Variants in PTPDC1 observed in about 807,000 individuals in gnomAD.
PTPDC1 encodes protein tyrosine phosphatase domain-containing protein 1.
PTPDC1 carries 53 observed loss-of-function variants against 75.3 expected under a neutral mutation model. That is an observed-to-expected ratio of 0.70 (90% confidence interval 0.56 to 0.88). The LOEUF is 0.88. Ranked by LOEUF, PTPDC1 falls within the 40% of genes least tolerant of loss-of-function variation. PTPDC1 has a pLI of 0.00. For missense variants in PTPDC1, 925 were observed against 998.6 expected (o/e 0.93, Z 0.99); for synonymous variants, 349 against 366.2 (o/e 0.95, Z 0.54).
chr9:94,092,596 A>G (rs1241100812), intron 4 of PTPDC1, among the ~76,000 whole-genome samples: 1 of 152,044 alleles, frequency 6.6e-6, no homozygotes, highest in South Asian at 2.1e-4. Flanking sequence ...GATGTCTATT[A>G]GGTCTGTTTG....
chr9:94,055,478 C>T (rs1021128387), intron 1 of PTPDC1, among the ~76,000 whole-genome samples: 9 of 152,170 alleles, frequency 5.9e-5, no homozygotes, highest in Non-Finnish European at 8.8e-5. Flanking sequence ...GATAAATAAA[C>T]TGTGATGTAT....
At chr9:94,031,296 T>G (rs1485660355) in intron 1 of PTPDC1, among the ~76,000 whole-genome samples, 1 of 152,148 alleles carries the variant, frequency 6.6e-6, no homozygotes, top group Admixed American at 6.5e-5. Context: ...CATTCAGATG[T>G]CTGCAGGGAC....
chr9:94,091,769 T>C (rs1227149339), intron 4 of PTPDC1, among the ~76,000 whole-genome samples: 1 of 152,192 alleles, frequency 6.6e-6, no homozygotes, highest in Non-Finnish European at 1.5e-5. Context: ...GCTCCTGTTA[T>C]TGGTCTATTC....
chr9:94,043,321 G>A (rs1825488717), intron 1 of PTPDC1, among the ~76,000 whole-genome samples: 1 of 152,104 alleles, frequency 6.6e-6, no homozygotes, highest in Non-Finnish European at 1.5e-5. Context: ...CCCCTATACT[G>A]AGCATCTTTT....
intron 2 of PTPDC1, among the ~76,000 whole-genome samples, chr9:94,068,925 T>C (rs1826415224): frequency 6.6e-6 from 1 of 152,220 alleles, no homozygotes; most frequent in African/African-American, 2.4e-5. Context: ...ATTTGGATGC[T>C]TCAGTTTCCC....
In PTPDC1 at chr9:94,093,246, T is replaced by C. The variant is rs376699608; in HGVS notation, c.617-2071T>C. Among the ~76,000 whole-genome samples the C allele has an allele frequency of 7.8e-3, 1,179 of 151,022 alleles. 12 individuals carry two copies. The highest frequency in any genetic ancestry group is 0.027 in the African/African-American group (1,123 of 40,972). On this transcript the variant is annotated intron_variant, in intron 4 of 8. Transcript: ENST00000620992. ...ACCGGTTGTTCCTTTCCATGTTTAG[T>C]GCTTCCTTCAGGAGCTCTTTTAGGG...
Position 94,095,441 on chromosome 9 carries a change from G to T in PTPDC1, c.741G>T (p.Gly247=). 1 of 1,613,032 alleles carries T rather than the reference G, an allele frequency of 6.2e-7. No individual in the cohort carries two copies. The highest frequency in any genetic ancestry group is 8.5e-7 in the Non-Finnish European group (1 of 1,179,468). ...EGKVAIHCHA[G]LGRTGVLIAC... ...AAGTAGCTATCCATTGTCATGCAGG[G>T]CTTGGTCGAACAGGTAGGTCCTAAG... Residue 247 remains glycine (G), a synonymous_variant, in exon 5 of 9, where the codon GGG becomes GGT. Transcript: ENST00000620992.
At chr9:94,044,377 G>T (rs1351689260) in intron 1 of PTPDC1, among the ~76,000 whole-genome samples, 1 of 152,140 alleles carries the variant, frequency 6.6e-6, no homozygotes, top group Non-Finnish European at 1.5e-5. Flanking sequence ...TGTGTACCAT[G>T]GTAGTTTGCT....
Position 94,098,152 on chromosome 9 carries a change from T to G in PTPDC1, c.1586T>G (p.Phe529Cys). The change falls in exon 6 of 9, where the codon TTC (phenylalanine) becomes TGC (cysteine). Residue 529 changes from phenylalanine to cysteine, a missense_variant. By Grantham distance (205) the Phe-to-Cys change is radical (BLOSUM62 -2). Transcript: ENST00000620992. ...CTCAAAGATAATGGGTCACCAATTT[T>G]CCATGGAAGGATCATTCCAAAGGAA... ...EGLKDNGSPI[F>C]HGRIIPKEAQ... The G allele has an allele frequency of 6.2e-7, 1 of 1,614,234 alleles. No individual in the cohort carries two copies. Among genetic ancestry groups the G allele is most frequent in the Non-Finnish European group, 8.5e-7 (1 of 1,180,046 alleles).
chr9:94,053,108 A>G (rs1345765381), intron 1 of PTPDC1, among the ~76,000 whole-genome samples: 2 of 152,132 alleles, frequency 1.3e-5, no homozygotes, highest in African/African-American at 2.4e-5. Flanking sequence ...GTTCCTGCTG[A>G]AGTGTTGTTT....
chr9:94,076,120 C>A (rs1338670863), intron 2 of PTPDC1, among the ~76,000 whole-genome samples: 1 of 152,144 alleles, frequency 6.6e-6, no homozygotes, highest in Admixed American at 6.5e-5. Context: ...TCTGCCTCAG[C>A]CTCTCAAGTA....
intron 1 of PTPDC1, among the ~76,000 whole-genome samples, chr9:94,040,710 G>A (rs1225064345): frequency 2.0e-5 from 3 of 151,988 alleles, no homozygotes; most frequent in Non-Finnish European, 4.4e-5. Context: ...ACACAATTTT[G>A]TATTTTACTT....
At chr9:94,069,168 C>T (rs1338819517) in intron 2 of PTPDC1, among the ~76,000 whole-genome samples, 2 of 152,182 alleles carry the variant, frequency 1.3e-5, no homozygotes, top group African/African-American at 2.4e-5. Context: ...TGATTCCCAA[C>T]CCCTTTTAGG....
chr9:94,050,615 C>T (rs1340073054), intron 1 of PTPDC1, among the ~76,000 whole-genome samples: 2 of 152,240 alleles, frequency 1.3e-5, no homozygotes, highest in Non-Finnish European at 2.9e-5. Flanking sequence ...AGGTGTCAGA[C>T]TGCCCCTACT....
intron 4 of PTPDC1, among the ~76,000 whole-genome samples, chr9:94,094,967 G>A (rs184014810): frequency 2.0e-5 from 3 of 152,310 alleles, no homozygotes; most frequent in Non-Finnish European, 4.4e-5. Context: ...ACTGACCTGC[G>A]CCCACTGTCT....
At chr9:94,038,393 T>G in intron 1 of PTPDC1, 1 of 435,420 alleles carries the variant, frequency 2.3e-6, no homozygotes, top group Non-Finnish European at 4.2e-6. Context: ...GACTTTTTTA[T>G]GTGTACCATA....
At chr9:94,036,043 T>TTTTTC (rs1223293722) in intron 1 of PTPDC1, among the ~76,000 whole-genome samples, 1 of 151,152 alleles carries the variant, frequency 6.6e-6, no homozygotes, top group Non-Finnish European at 1.5e-5. Flanking sequence ...TTGTTTTTTT[T>TTTTTC]TTGCTACTGA....
In PTPDC1 at chr9:94,075,454, G is replaced by A. The variant is rs77490027; in HGVS notation, c.83-9797G>A. 5.8e-3 allele frequency among the ~76,000 whole-genome samples: 889 copies of A among 152,278 alleles called. 8 individuals are homozygous for A. The highest frequency in any genetic ancestry group is 0.017 in the African/African-American group (705 of 41,570). On this transcript the variant is annotated intron_variant, in intron 2 of 9. Coordinates refer to the PTPDC1 transcript ENST00000375360. Reference sequence around the variant, plus strand: ...ATGTGGCATTTTTAACTGGAGTAGCGTGGGTATTGCCAAAAATATATTCAG... The same window carrying A: ...ATGTGGCATTTTTAACTGGAGTAGCATGGGTATTGCCAAAAATATATTCAG...
chr9:94,037,595 A>G (rs987309875), intron 1 of PTPDC1, among the ~76,000 whole-genome samples: 3 of 152,048 alleles, frequency 2.0e-5, no homozygotes, highest in Non-Finnish European at 4.4e-5. Context: ...TTTTAAACAG[A>G]ATTTTTTTTT....
Sources: gnomAD v4.1 joint callset for allele counts (sites outside exome capture counted in the v4.1 genomes callset) on GRCh38, gnomAD v4.1.1 for gene constraint, MANE v1.5 for transcripts, NCBI Gene and HGNC (gene_info 2026-07-23, HGNC 2026-07-21) for gene names.